TM2D1: variants seen among roughly 807,000 people sequenced by gnomAD.
TM2D1 encodes TM2 domain-containing protein 1.
Under a neutral mutation model 28.4 loss-of-function variants are expected in TM2D1, and 15 were observed. The observed-to-expected ratio is 0.53, with a 90% CI of 0.35 to 0.81. The LOEUF is 0.81. Among genes scored for constraint, TM2D1 ranks in the 40% least tolerant of loss-of-function variants. The pLI is 0.01. For missense variants in TM2D1, 236 were observed against 254.9 expected, an observed-to-expected ratio of 0.93 and a Z score of 0.50; for synonymous variants, 93 against 96.2, an observed-to-expected ratio of 0.97 and a Z score of 0.20.
At chr1:61,683,725 G>A (rs1557523570) in intron 5 of TM2D1, 179 bp from the exon 6 acceptor site, 1 of 397,194 alleles carries the variant, frequency 2.5e-6, no homozygotes, top group East Asian at 5.0e-5. Context: ...GGGATATACT[G>A]GGATAGCTCA....
At chr1:61,717,706 C>T (rs1288607625) in intron 2 of TM2D1, among the ~76,000 whole-genome samples, 13 of 151,952 alleles carry the variant, frequency 8.6e-5, no homozygotes, top group Non-Finnish European at 1.8e-4. Flanking sequence ...ACCAAATAGC[C>T]AGGATTACAG....
chr1:61,697,624 A>C (rs1269945327), intron 4 of TM2D1: 3 of 152,196 alleles, frequency 2.0e-5, no homozygotes, highest in Non-Finnish European at 4.4e-5. Flanking sequence ...CAATTTGATA[A>C]ATTTGACACT....
At chr1:61,690,723 A>T (rs143021474) in intron 5 of TM2D1, among the ~76,000 whole-genome samples, 17 of 152,312 alleles carry the variant, frequency 1.1e-4, no homozygotes, top group African/African-American at 4.1e-4. Flanking sequence ...CAGATTAATA[A>T]AAGTCATTTT....
At chr1:61,708,643 T>G (rs1644456437) in intron 3 of TM2D1, among the ~76,000 whole-genome samples, 1 of 152,192 alleles carries the variant, frequency 6.6e-6, no homozygotes, top group Non-Finnish European at 1.5e-5. Context: ...GCCCTTTATG[T>G]GCAAAAAATT....
intron 4 of TM2D1, chr1:61,699,555 A>G (rs140302636): frequency 2.1e-4 from 32 of 152,318 alleles, no homozygotes; most frequent in African/African-American, 7.7e-4. Context: ...CCCAGTGTAC[A>G]CTATATGCTT....
At chr1:61,704,034 G>A (rs1644423684) in intron 3 of TM2D1, among the ~76,000 whole-genome samples, 1 of 151,774 alleles carries the variant, frequency 6.6e-6, no homozygotes, top group African/African-American at 2.4e-5. Flanking sequence ...GGGATTACAG[G>A]CACCAGCCAC....
chr1:61,694,880 T>C (rs1644353240), intron 4 of TM2D1, 110 bp from the exon 5 acceptor site: 2 of 497,754 alleles, frequency 4.0e-6, no homozygotes, highest in Non-Finnish European at 6.8e-6. Flanking sequence ...ACTCTTTATA[T>C]CAAGAACATA....
chr1:61,706,885 A>G (rs1644445760), intron 3 of TM2D1, among the ~76,000 whole-genome samples: 1 of 148,600 alleles, frequency 6.7e-6, no homozygotes, highest in Non-Finnish European at 1.5e-5. Flanking sequence ...TTATTGTAAG[A>G]AGGGAATAAG....
intron 5 of TM2D1, among the ~76,000 whole-genome samples, chr1:61,685,133 T>A (rs530858065): frequency 1.3e-5 from 2 of 152,174 alleles, no homozygotes; most frequent in Non-Finnish European, 2.9e-5. Flanking sequence ...CCTAAAAATA[T>A]ATTATATTAG....
In TM2D1 at chr1:61,716,442, TATATATAATTTTATATACATATATAA is replaced by T. The variant is rs1425063009; in HGVS notation, c.239-7031_239-7006del. Among the ~76,000 whole-genome samples, 17 of 145,182 alleles carry T rather than the reference TATATATAATTTTATATACATATATAA, an allele frequency of 1.2e-4. No individual in the cohort carries two copies. The East Asian group carries it at 3.1e-3, about 27-fold the overall frequency. On this transcript the variant is annotated intron_variant, in intron 2 of 6. Coordinates refer to ENST00000606498, the MANE Select transcript of TM2D1 (RefSeq NM_032027.3). ...ATATAATTATATATAAGTGTATAATTATATATAATTTTATATACATATATAATTATATATAATTTTATATACGTATA... is the reference window on the plus strand; with the variant it reads ...ATATAATTATATATAAGTGTATAATTTTATATATAATTTTATATACGTATA...
At chr1:61,683,616 T>C in intron 5 of TM2D1, 70 bp from the exon 6 acceptor site, 3 of 795,438 alleles carry the variant, frequency 3.8e-6, no homozygotes, top group Non-Finnish European at 5.9e-6. Context: ...TTTACTTTTC[T>C]CAGTTGTTAA....
intron 4 of TM2D1, chr1:61,697,635 T>C (rs866133273): frequency 3.9e-5 from 6 of 152,222 alleles, no homozygotes; most frequent in Non-Finnish European, 7.3e-5. Flanking sequence ...ATTTGACACT[T>C]GTAAACACCT....
chr1:61,701,916 C>T (rs998495193), intron 3 of TM2D1, among the ~76,000 whole-genome samples: 31 of 152,016 alleles, frequency 2.0e-4, no homozygotes, highest in African/African-American at 6.5e-4. Context: ...CCAAGACGGG[C>T]GCGGTGGCAC....
At chr1:61,701,104 A>C in intron 3 of TM2D1, 79 bp from the exon 4 acceptor site, 2 of 1,086,212 alleles carry the variant, frequency 1.8e-6, no homozygotes, top group Non-Finnish European at 2.8e-6. Context: ...ACTACTTGTT[A>C]ATTGGTTCAT....
intron 2 of TM2D1, among the ~76,000 whole-genome samples, chr1:61,722,261 G>C (rs1247711079): frequency 6.6e-6 from 1 of 152,082 alleles, no homozygotes; most frequent in Non-Finnish European, 1.5e-5. Context: ...ACTCCAGCCT[G>C]GGTGACATAA....
chr1:61,687,796 T>C (rs1644294388), intron 5 of TM2D1, among the ~76,000 whole-genome samples: 1 of 152,186 alleles, frequency 6.6e-6, no homozygotes, highest in Non-Finnish European at 1.5e-5. Flanking sequence ...AACAGTAACA[T>C]CAGCAAGATC....
At chr1:61,704,186 G>A (rs946084983) in intron 3 of TM2D1, among the ~76,000 whole-genome samples, 2 of 152,022 alleles carry the variant, frequency 1.3e-5, no homozygotes, top group African/African-American at 2.4e-5. Flanking sequence ...CACTGCGCCT[G>A]GCTATTTATA....
At position 61,683,503 on chromosome 1, in the gene TM2D1, T is replaced by C; in HGVS notation, c.557A>G (p.Tyr186Cys). Residue 186 changes from tyrosine (Y) to cysteine (C), a missense_variant, in exon 6 of 7, where the codon TAT (tyrosine) becomes TGT (cysteine). This residue lies in a region of TM2D1 where 64 missense variants were observed against 73.1 expected (regional missense o/e 0.88). Coordinates refer to ENST00000606498, the MANE Select transcript of TM2D1 (RefSeq NM_032027.3). ...ACTCAGTCTTGTAAGTCTGGTTCCA[T>C]AGTAATCTATAATGTAACTACTTCC... Reference protein sequence around the residue: ...SDGSSYIIDYYGTRLTRLSIT... With the variant: ...SDGSSYIIDYCGTRLTRLSIT... 3.2e-6 allele frequency: 5 copies of C among 1,546,742 alleles called. No homozygotes were observed. The highest frequency in any genetic ancestry group is 2.3e-5 in the East Asian group (1 of 43,032).
chr1:61,712,881 C>T (rs955139945), intron 2 of TM2D1, among the ~76,000 whole-genome samples: 5 of 152,124 alleles, frequency 3.3e-5, no homozygotes, highest in Non-Finnish European at 7.3e-5. Flanking sequence ...AGAGTGCACA[C>T]TTAAAAGCTG....
Sources: gnomAD v4.1 joint callset for allele counts (sites outside exome capture counted in the v4.1 genomes callset) on GRCh38, gnomAD v4.1.1 for gene constraint, gnomAD v4.1.1 regional missense constraint, MANE v1.5 for transcripts, NCBI Gene and HGNC (gene_info 2026-07-23, HGNC 2026-07-21) for gene names.